The following SOCS2 variants were observed in gnomAD, a reference collection of about 807,000 sequenced individuals.
SOCS2 encodes the protein CIS-2.
In SOCS2, 10 loss-of-function variants were observed where a neutral mutation model predicts 18.6. That is an observed-to-expected ratio of 0.54 (90% CI 0.33 to 0.91). The LOEUF (loss-of-function observed/expected upper bound fraction) is 0.91. SOCS2 is among the 40% of genes least tolerant of loss of function. SOCS2 has a pLI of 0.02. For missense variants in SOCS2, 231 were observed against 247.2 expected (o/e 0.93, Z 0.44); for synonymous variants, 104 against 104.0 (o/e 1.00, Z 0.00).
At chr12:93,615,667 C>T in the SOCS2 span, among the ~76,000 whole-genome samples, 2 of 152,358 alleles carry the variant, frequency 1.3e-5, no homozygotes, top group African/African-American at 4.8e-5. Flanking sequence ...ACCATGTCAT[C>T]TCACTACAAC....
At chr12:93,604,858 A>G in the SOCS2 span, among the ~76,000 whole-genome samples, 71 of 151,674 alleles carry the variant, frequency 4.7e-4, no homozygotes, top group Middle Eastern at 3.5e-3. Context: ...ACAGGGTCCC[A>G]CTATGTTGCC....
chr12:93,570,104 C>CCAGCCCTGGGGCGT (rs1954193457), upstream of SOCS2: 1 of 152,120 alleles, frequency 6.6e-6, no homozygotes, highest in Non-Finnish European at 1.5e-5. Context: ...CTTCCGAATC[C>CCAGCCCTGGGGCGT]CAGCCCTGGG....
chr12:93,611,103 G>T, the SOCS2 span, among the ~76,000 whole-genome samples: 1 of 152,094 alleles, frequency 6.6e-6, no homozygotes, highest in South Asian at 2.1e-4. Flanking sequence ...GCCTAGACTG[G>T]CCAGGAGATG....
At chr12:93,617,026 T>C in the SOCS2 span, among the ~76,000 whole-genome samples, 2 of 152,176 alleles carry the variant, frequency 1.3e-5, no homozygotes, top group African/African-American at 4.8e-5. Flanking sequence ...ACAAACATTA[T>C]GCAAACCCAG....
chr12:93,611,874 T>C, the SOCS2 span, among the ~76,000 whole-genome samples: 2 of 152,202 alleles, frequency 1.3e-5, no homozygotes, highest in Non-Finnish European at 2.9e-5. Flanking sequence ...ATTTTTTTTT[T>C]CATCTATCAC....
chr12:93,575,301 C>G lies in SOCS2; in HGVS notation c.*122C>G. Reference sequence around the variant, plus strand: ...GAATGCTTTCTAAGAACAGCTGAAGCTAATCTAATTTAAATTTAACAGCTT... The same window carrying G: ...GAATGCTTTCTAAGAACAGCTGAAGGTAATCTAATTTAAATTTAACAGCTT... On this transcript the variant is annotated 3_prime_UTR_variant, in exon 2 of 2. Transcript: ENST00000551556. The G allele has an allele frequency of 1.6e-6, 1 of 644,014 alleles. No homozygotes were observed. Among genetic ancestry groups the G allele is most frequent in the Non-Finnish European group, 2.5e-6 (1 of 398,572 alleles). The allele number at this position is 644,014 out of a possible 1,614,324, so 39.9% of individuals were successfully genotyped here.
upstream of SOCS2, chr12:93,572,622 A>C (rs1592823088): frequency 1.9e-5 from 12 of 629,830 alleles, no homozygotes; most frequent in Admixed American, 4.3e-5. The surrounding 1 kb of genome is among the most constrained non-coding windows in gnomAD (Gnocchi z 5.0). Flanking sequence ...CTATTTCCCC[A>C]CCCCCACCCC....
chr12:93,610,481 A>G, the SOCS2 span, among the ~76,000 whole-genome samples: 4 of 152,310 alleles, frequency 2.6e-5, no homozygotes, highest in South Asian at 2.1e-4. Flanking sequence ...GTCTGAGACC[A>G]CAGTTTGAGT....
chr12:93,573,636 G>A (rs1954346251), intron 1 of SOCS2: 2 of 159,116 alleles, frequency 1.3e-5, no homozygotes, highest in East Asian at 3.6e-4. Flanking sequence ...CTAGGCATCT[G>A]AAAAAAGAAA....
chr12:93,624,193 A>G, the SOCS2 span, among the ~76,000 whole-genome samples: 1 of 152,218 alleles, frequency 6.6e-6, no homozygotes, highest in East Asian at 1.9e-4. Flanking sequence ...TCAAGGTGCC[A>G]TCTTGAAAGC....
the SOCS2 span, among the ~76,000 whole-genome samples, chr12:93,613,413 A>G: frequency 5.9e-5 from 9 of 152,086 alleles, no homozygotes; most frequent in East Asian, 1.7e-3. Flanking sequence ...TCCCAGAAAA[A>G]AAAACCAAAA....
chr12:93,598,465 G>A, the SOCS2 span, among the ~76,000 whole-genome samples: 1 of 152,148 alleles, frequency 6.6e-6, no homozygotes, highest in African/African-American at 2.4e-5. Flanking sequence ...TATGATATAG[G>A]GGATGGCATA....
the SOCS2 span, among the ~76,000 whole-genome samples, chr12:93,613,857 A>G: frequency 6.6e-6 from 1 of 152,208 alleles, no homozygotes; most frequent in South Asian, 2.1e-4. Flanking sequence ...TACCCCATCA[A>G]CATATACTAC....
chr12:93,573,094 C>G (rs1394772038), intron 1 of SOCS2, 58 bp downstream of exon 1: 1 of 1,536,196 alleles, frequency 6.5e-7, no homozygotes, highest in Admixed American at 2.0e-5. Context: ...AAGGAAGCAG[C>G]TAGGAAGCGG....
chr12:93,579,290 C>T (rs1202549194), downstream of SOCS2, among the ~76,000 whole-genome samples: 2 of 152,140 alleles, frequency 1.3e-5, no homozygotes, highest in Admixed American at 6.5e-5. Context: ...CCTTTCTGGC[C>T]GCATGATACT....
the SOCS2 span, among the ~76,000 whole-genome samples, chr12:93,618,593 G>T: frequency 6.6e-6 from 1 of 152,058 alleles, no homozygotes; most frequent in African/African-American, 2.4e-5. Context: ...CTAGCCTTAG[G>T]GCTTTTACAT....
the SOCS2 span, among the ~76,000 whole-genome samples, chr12:93,596,826 TCAAA>T: frequency 1.3e-5 from 2 of 152,076 alleles, no homozygotes; most frequent in Admixed American, 1.3e-4. Flanking sequence ...AGACCCTGTC[TCAAA>T]CAAACAACAA....
downstream of SOCS2, among the ~76,000 whole-genome samples, chr12:93,580,017 C>G (rs1336558158): frequency 6.6e-6 from 1 of 152,202 alleles, no homozygotes; most frequent in Non-Finnish European, 1.5e-5. Context: ...CTTTGCCTCT[C>G]TTAGAGAAAG....
chr12:93,614,554 T>C, the SOCS2 span, among the ~76,000 whole-genome samples: 1 of 34,676 alleles, frequency 2.9e-5, no homozygotes, highest in African/African-American at 1.7e-4. Context: ...TTTCTTTCTT[T>C]CTTTCTTTCT....
Sources: gnomAD v4.1 joint callset for allele counts (sites outside exome capture counted in the v4.1 genomes callset) on GRCh38, gnomAD v4.1.1 for gene constraint, Gnocchi (gnomAD v3.1) non-coding constraint, MANE v1.5 for transcripts, NCBI Gene and HGNC (gene_info 2026-07-23, HGNC 2026-07-21) for gene names.